The following HNRNPA3 variants were observed in gnomAD, a reference collection of about 807,000 sequenced individuals.
The protein encoded by HNRNPA3 is heterogeneous nuclear ribonucleoprotein A3.
HNRNPA3 carries 3 observed loss-of-function variants against 45.8 expected under a neutral mutation model. That is an observed-to-expected ratio of 0.07 (90% CI 0.03 to 0.17). The LOEUF is 0.17. Ranked by LOEUF, HNRNPA3 falls within the 10% of genes least tolerant of loss-of-function variation. The pLI, the probability that HNRNPA3 is intolerant of heterozygous loss-of-function variation, is 1.00. For synonymous variants in HNRNPA3, 170 were observed against 155.6 expected, an observed-to-expected ratio of 1.09 and a Z score of -0.69; for missense variants, 183 against 480.3, an observed-to-expected ratio of 0.38 and a Z score of 5.79.
Position 177,217,689 on chromosome 2 carries a change from TTTG to T in HNRNPA3, c.821-10_821-8del, listed in dbSNP as rs756467065. ...CTTAAGTTTTTGTGTGGTCTTGTTA[TTTG>T]TTGTTTTTTTAGGTGGCAACTATGG... On this transcript the variant is annotated splice_polypyrimidine_tract_variant and intron_variant, in intron 7 of 10. Coordinates refer to ENST00000392524, the Ensembl canonical transcript of HNRNPA3. The T allele has an allele frequency of 2.2e-5, 35 of 1,612,228 alleles. 1 individual carries two copies. In the African/African-American group the frequency reaches 2.3e-4, roughly 10 times the overall value.
At chr2:177,212,832 G>A (rs1688739316) in exon 1 of HNRNPA3, 1 of 1,559,670 alleles carries the variant, frequency 6.4e-7, no homozygotes, top group East Asian at 2.5e-5. Context: ...GTCGCCCCCA[G>A]CCCGACTCCG....
downstream of HNRNPA3, chr2:177,223,210 C>T (rs1339743786): frequency 2.6e-5 from 4 of 152,090 alleles, no homozygotes; most frequent in African/African-American, 9.7e-5. Flanking sequence ...AATTTCTACG[C>T]GTGTTGAATA....
rs1689092848 is a variant in HNRNPA3 at position 177,219,344 on chromosome 2, A to G, written c.*15+30A>G. 4 of 1,479,666 alleles carry G rather than the reference A, an allele frequency of 2.7e-6. No homozygotes were observed. In the South Asian group the frequency reaches 3.5e-5, roughly 13 times the overall value. 91.7% of individuals were successfully genotyped at this position (1,479,666 alleles called of 1,614,324 possible). A position where few individuals can be genotyped will look rare whatever the true frequency, so the allele number is the denominator to read the frequency against. On this transcript the variant is annotated intron_variant, in intron 10 of 10. Transcript: ENST00000392524. ...GTATCTTTAAATTTTTATTATGATGATAAAAGAATATGTGGAACTGTTCAC... is the reference window on the plus strand; with the variant it reads ...GTATCTTTAAATTTTTATTATGATGGTAAAAGAATATGTGGAACTGTTCAC...
intron 1 of HNRNPA3, 84 bp downstream of exon 1, chr2:177,212,955 C>G: frequency 2.2e-6 from 2 of 894,630 alleles, no homozygotes; most frequent in Non-Finnish European, 3.2e-6. Context: ...CCGGGTGGAC[C>G]GGGTCGGCCG....
downstream of HNRNPA3, chr2:177,222,242 T>C (rs1231939975): frequency 6.6e-6 from 1 of 152,412 alleles, no homozygotes; most frequent in Non-Finnish European, 1.5e-5. Context: ...ATTGGAAAAA[T>C]TCTTCAACTG....
chr2:177,221,780 G>C (rs1310869043), downstream of HNRNPA3: 1 of 152,690 alleles, frequency 6.5e-6, no homozygotes, highest in Non-Finnish European at 1.5e-5. Flanking sequence ...TTCAACTACA[G>C]AGAAGTGAAG....
At chr2:177,215,350 C>T (rs1688887892) in intron 1 of HNRNPA3, among the ~76,000 whole-genome samples, 189 bp from the exon 2 acceptor site, 1 of 152,166 alleles carries the variant, frequency 6.6e-6, no homozygotes, top group South Asian at 2.1e-4. Flanking sequence ...CTGCCTCGGC[C>T]TCCCAAAGTG....
chr2:177,213,288 A>G (rs1016845891), intron 1 of HNRNPA3, among the ~76,000 whole-genome samples: 1 of 152,196 alleles, frequency 6.6e-6, no homozygotes, highest in Non-Finnish European at 1.5e-5. Context: ...CCGCCGCGTT[A>G]CGAAATGGCG....
exon 10 of HNRNPA3, chr2:177,219,272 T>C (rs1689088785): frequency 1.9e-6 from 3 of 1,613,636 alleles, no homozygotes; most frequent in African/African-American, 2.7e-5. Flanking sequence ...GTGGTGGAAG[T>C]GGTGGATATG....
At chr2:177,220,501 A>G (rs2105438623), downstream of HNRNPA3, 1 of 154,050 alleles carries the variant, frequency 6.5e-6, no homozygotes, top group Admixed American at 6.5e-5. Context: ...TTTCAGAGCA[A>G]GAGAATAAAA....
chr2:177,220,035 G>A (rs895216648), exon 11 of HNRNPA3: 2 of 152,560 alleles, frequency 1.3e-5, no homozygotes, highest in Admixed American at 6.5e-5. Context: ...TGTTTGCAAT[G>A]TGTGTTTTAG....
downstream of HNRNPA3, chr2:177,223,937 A>ATTCC (rs1689301006): frequency 6.6e-6 from 1 of 152,256 alleles, no homozygotes; most frequent in Admixed American, 6.5e-5. Context: ...ACCAGTAAGT[A>ATTCC]ATAAAACAAC....
In HNRNPA3 at chr2:177,216,232, G is replaced by T. The variant is rs765323605; in HGVS notation, c.553+44G>T. 3.0e-6 allele frequency: 4 copies of T among 1,316,962 alleles called. No homozygotes were observed. In the Admixed American group the frequency reaches 5.7e-5, roughly 19 times the overall value. The allele number at this position is 1,316,962 out of a possible 1,614,324, so 81.6% of individuals were successfully genotyped here. A position where few individuals can be genotyped will look rare whatever the true frequency, so the allele number is the denominator to read the frequency against. On this transcript the variant is annotated intron_variant, in intron 4 of 10. Transcript: ENST00000392524. ...TAACTTGAATGAGAAAGTAGAACTG[G>T]TTTTTCTGTTTTGAACTAAATTTGC...
At chr2:177,219,373 G>A in intron 10 of HNRNPA3, 35 bp from the exon 11 acceptor site, 2 of 1,288,348 alleles carry the variant, frequency 1.6e-6, no homozygotes, top group Non-Finnish European at 2.2e-6. Flanking sequence ...TGTTCACTGA[G>A]TGTAATAATT....
chr2:177,216,510 A>G, exon 5 of HNRNPA3: 1 of 1,611,508 alleles, frequency 6.2e-7, no homozygotes, highest in African/African-American at 1.3e-5. Flanking sequence ...TAGTTCAGAA[A>G]TACCACACTA....
chr2:177,216,323 C>T, intron 4 of HNRNPA3, 135 bp downstream of exon 4: 1 of 722,542 alleles, frequency 1.4e-6, no homozygotes, highest in Middle Eastern at 2.5e-4. Flanking sequence ...ATAGTGTCTG[C>T]CTGTGTAATC....
rs559160560 is a variant in HNRNPA3 at position 177,214,527 on chromosome 2, GGCTCAC to G, written c.73-1009_73-1004del. 1.6e-4 allele frequency among the ~76,000 whole-genome samples: 25 copies of G among 152,310 alleles called. 1 individual carries two copies. The South Asian group carries it at 5.2e-3, about 32-fold the overall frequency. On this transcript the variant is annotated intron_variant, in intron 1 of 10. Transcript: ENST00000392524. ...TTTAAATGTATGGGCCGGGCGCTGT[GGCTCAC>G]GCCTGTAATTCTAGCACTTTGGGAG...
rs1365014845 is a variant in HNRNPA3 at position 177,215,970 on chromosome 2, A to T, written c.343-8A>T. The T allele has an allele frequency of 6.2e-7, 1 of 1,602,368 alleles. No homozygotes were observed. Among genetic ancestry groups the T allele is most frequent in the Non-Finnish European group, 8.5e-7 (1 of 1,176,734 alleles). On this transcript the variant is annotated splice_region_variant and splice_polypyrimidine_tract_variant and intron_variant, in intron 3 of 10. Transcript: ENST00000392524. ...GTTTCTTGACTTAATATATTACTTT[A>T]TTTGTAGGATTCTGTAAAGCCTGGT...
chr2:177,223,269 C>CA (rs1339413564), downstream of HNRNPA3: 1 of 152,110 alleles, frequency 6.6e-6, no homozygotes, highest in African/African-American at 2.4e-5. Flanking sequence ...TTTAGTGAAG[C>CA]AAACATTTTT....
Sources: gnomAD v4.1 joint callset for allele counts (sites outside exome capture counted in the v4.1 genomes callset) on GRCh38, gnomAD v4.1.1 for gene constraint, MANE v1.5 for transcripts, NCBI Gene and HGNC (gene_info 2026-07-23, HGNC 2026-07-21) for gene names.